Variants in HK2 observed in about 807,000 individuals in gnomAD.
HK2 encodes the protein hexokinase-2.
In HK2, 42 loss-of-function variants were observed where a neutral mutation model predicts 92.9. The ratio of observed to expected loss-of-function variants is 0.45; its 90% CI spans 0.35 to 0.58. The LOEUF (loss-of-function observed/expected upper bound fraction) is 0.58, where lower values mean the gene tolerates loss of function less well. Ranked by LOEUF, HK2 falls within the 20% of genes least tolerant of loss-of-function variation. The pLI, the probability that HK2 is intolerant of heterozygous loss-of-function variation, is 0.00. For synonymous variants in HK2, 422 were observed against 468.0 expected, an observed-to-expected ratio of 0.90 and a Z score of 1.27; for missense variants, 978 against 1,245.1, an observed-to-expected ratio of 0.79 and a Z score of 3.23.
At position 74,874,431 on chromosome 2, in the gene HK2, T is replaced by C. The variant is rs751157314; in HGVS notation, c.857T>C (p.Leu286Pro). Residue 286 changes from leucine (L) to proline (P), a missense_variant, in exon 7 of 18, where the codon CTG becomes CCG. Physicochemically the swap from Leu to Pro is moderately conservative, Grantham distance 98 (BLOSUM62 -3). Transcript: ENST00000290573. ...GACCAGGAGATTGACATGGGCTCACTGAACCCGGGAAAGCAACTGTGAGTA... is the reference window on the plus strand; with the variant it reads ...GACCAGGAGATTGACATGGGCTCACCGAACCCGGGAAAGCAACTGTGAGTA... ...EFDQEIDMGS[L>P]NPGKQLFEKM... The C allele has an allele frequency of 6.2e-7, 1 of 1,607,218 alleles. No individual in the cohort carries two copies. Among genetic ancestry groups the C allele is most frequent in the Admixed American group, 1.7e-5 (1 of 59,046 alleles).
At chr2:74,861,925 G>A (rs552354635) in intron 2 of HK2, among the ~76,000 whole-genome samples, 21 of 152,252 alleles carry the variant, frequency 1.4e-4, no homozygotes, top group African/African-American at 5.1e-4. Context: ...GTGTCAGATC[G>A]ATCATTTGAC....
Position 74,872,415 on chromosome 2 carries a change from A to G in HK2, c.491A>G (p.Asp164Gly), listed in dbSNP as rs1689118518. 1.2e-6 allele frequency: 2 copies of G among 1,613,958 alleles called. No homozygotes were observed. Among genetic ancestry groups the G allele is most frequent in the Non-Finnish European group, 1.7e-6 (2 of 1,179,922 alleles). ...TTCCCCTGCCACCAGACTAAACTAG[A>G]CGAGGTAAGATGGGCTCCTCAGACA... ...FSFPCHQTKL[D>G]ESFLVSWTKG... The change falls in exon 4 of 18, where the codon GAC becomes GGC. Residue 164 changes from aspartate (D) to glycine (G), a missense_variant. By Grantham distance (94) the Asp-to-Gly change is moderately conservative. Around this residue, in one of 3 missense-constraint regions of HK2, gnomAD observed 189 missense variants for 289.5 expected, o/e 0.65. Transcript: ENST00000290573.
At chr2:74,845,776 CAGG>C (rs1256917913) in intron 1 of HK2, among the ~76,000 whole-genome samples, 5 of 152,198 alleles carry the variant, frequency 3.3e-5, no homozygotes, top group Admixed American at 2.6e-4. Context: ...TTTCAGAGGA[CAGG>C]AGACTTACAG....
intron 12 of HK2, 87 bp from the exon 13 acceptor site, chr2:74,885,407 T>C: frequency 2.3e-6 from 2 of 879,236 alleles, no homozygotes; most frequent in African/African-American, 1.6e-5. Flanking sequence ...ACCTGTGAGG[T>C]TGAGAGCTAG....
At position 74,851,143 on chromosome 2, in the gene HK2, AG is replaced by A. The variant is rs1240156873; in HGVS notation, c.64-3147del. ...CTAAGAGGGGCCCACAGGACAGGCG[AG>A]GGTGGCTGTCCTGACGGCCTGGCAG... On this transcript the variant is annotated intron_variant, in intron 1 of 17. Coordinates refer to ENST00000290573, the MANE Select transcript of HK2 (RefSeq NM_000189.5). 2.6e-5 allele frequency among the ~76,000 whole-genome samples: 4 copies of A among 152,332 alleles called. No individual in the cohort carries two copies. In the East Asian group the frequency reaches 7.7e-4, roughly 29 times the overall value.
intron 1 of HK2, among the ~76,000 whole-genome samples, chr2:74,837,044 T>C (rs913878749): frequency 6.6e-6 from 1 of 152,192 alleles, no homozygotes; most frequent in Admixed American, 6.5e-5. Context: ...CTTTTGCCAA[T>C]TGGAACTCAG....
At chr2:74,860,653 G>A (rs180843996) in intron 2 of HK2, among the ~76,000 whole-genome samples, 11 of 152,240 alleles carry the variant, frequency 7.2e-5, no homozygotes, top group Non-Finnish European at 2.9e-5. Context: ...ATGGACACCC[G>A]GGCAGTTTCC....
intron 12 of HK2, among the ~76,000 whole-genome samples, chr2:74,883,341 T>C (rs1689447222): frequency 6.6e-6 from 1 of 152,052 alleles, no homozygotes; most frequent in African/African-American, 2.4e-5. Context: ...CCAGGACAGG[T>C]AGTGAGACAG....
intron 1 of HK2, among the ~76,000 whole-genome samples, chr2:74,853,064 T>C (rs945831148): frequency 2.6e-5 from 4 of 152,120 alleles, no homozygotes; most frequent in Admixed American, 6.5e-5. Flanking sequence ...AGAAGAGGCC[T>C]CTACAGAGAG....
In HK2 at chr2:74,890,881, G is replaced by A. The variant is rs756133449; in HGVS notation, c.2694G>A (p.Gly898=). ...VSFLQSEDGS[G]KGAALITAVA... is the part of the protein sequence containing the mutation. ...TCCTGCAGTCAGAGGATGGCAGCGGGAAGGGGGCGGCGCTCATCACTGCTG... is the reference window on the plus strand; with the variant it reads ...TCCTGCAGTCAGAGGATGGCAGCGGAAAGGGGGCGGCGCTCATCACTGCTG... Residue 898 remains glycine, a synonymous_variant, in exon 18 of 18, where the codon GGG becomes GGA. Transcript: ENST00000290573. The A allele has an allele frequency of 2.5e-6, 4 of 1,614,124 alleles. No individual in the cohort carries two copies. Among genetic ancestry groups the A allele is most frequent in the Non-Finnish European group, 3.4e-6 (4 of 1,180,052 alleles).
rs1171781660 is a variant in HK2 at position 74,881,784 on chromosome 2, G to A, written c.1644G>A (p.Gly548=). 11 of 1,614,100 alleles carry A rather than the reference G, an allele frequency of 6.8e-6. No individual in the cohort carries two copies. Among genetic ancestry groups the A allele is most frequent in the Non-Finnish European group, 9.3e-6 (11 of 1,180,052 alleles). ...TCCTGCTGGTCCGTGTTCGGAATGGGAAGTGGGGTGGAGTGGAGATGCACA... is the reference window on the plus strand; with the variant it reads ...TCCTGCTGGTCCGTGTTCGGAATGGAAAGTGGGGTGGAGTGGAGATGCACA... ...FRVLLVRVRN[G]KWGGVEMHNK... is the part of the protein sequence containing the mutation. The change falls in exon 11 of 18, where the codon GGG becomes GGA. Residue 548 remains glycine, a synonymous_variant. Transcript: ENST00000290573.
intron 3 of HK2, among the ~76,000 whole-genome samples, chr2:74,870,001 CTTTTTTTT>C (rs66946936): frequency 8.2e-6 from 1 of 121,518 alleles, no homozygotes; most frequent in South Asian, 2.6e-4. Context: ...CTTTTCTTTT[CTTTTTTTT>C]TTTTTTTTTT....
At chr2:74,835,569 A>G (rs919689776) in intron 1 of HK2, among the ~76,000 whole-genome samples, 2 of 150,376 alleles carry the variant, frequency 1.3e-5, no homozygotes, top group Admixed American at 1.3e-4. Flanking sequence ...CCTCAGGCCA[A>G]GCCGGGAAGC....
intron 5 of HK2, 135 bp from the exon 6 acceptor site, chr2:74,873,709 A>C: frequency 1.4e-6 from 1 of 699,820 alleles, no homozygotes. Context: ...GTCTTATCAC[A>C]GGAGGAGTTA....
In HK2 at chr2:74,888,227, A is replaced by C. The variant is rs555511912; in HGVS notation, c.2375+169A>C. Reference sequence around the variant, plus strand: ...TAAAAGCACATTATGGGCAGTTGTCATTTTAAGGGCAAACAGAGCATTCTC... The same window carrying C: ...TAAAAGCACATTATGGGCAGTTGTCCTTTTAAGGGCAAACAGAGCATTCTC... On this transcript the variant is annotated intron_variant, in intron 16 of 17. Transcript: ENST00000290573. Among the ~76,000 whole-genome samples the C allele has an allele frequency of 3.3e-5, 5 of 152,356 alleles. No individual in the cohort carries two copies. In the East Asian group the frequency reaches 9.6e-4, roughly 29 times the overall value.
At chr2:74,847,737 T>C (rs1426172077) in intron 1 of HK2, among the ~76,000 whole-genome samples, 1 of 152,166 alleles carries the variant, frequency 6.6e-6, no homozygotes, top group Non-Finnish European at 1.5e-5. Context: ...AGCTCCAAGC[T>C]TCCTGACAGT....
rs1689654907 is a variant in HK2, at chr2:74,890,678, C to T, written c.2610-119C>T. Reference sequence around the variant, plus strand: ...AATACATTATAGCTGTCATCCTTCTCCTCTTCTTAATTATTTCTGTGTTTC... The same window carrying T: ...AATACATTATAGCTGTCATCCTTCTTCTCTTCTTAATTATTTCTGTGTTTC... On this transcript the variant is annotated intron_variant, in intron 17 of 17. Transcript: ENST00000290573. The T allele has an allele frequency of 4.4e-6, 5 of 1,135,162 alleles. No individual in the cohort carries two copies. In the Admixed American group the frequency reaches 8.5e-5, roughly 19 times the overall value. 70.3% of individuals were successfully genotyped at this position (1,135,162 alleles called of 1,614,324 possible). A position where few individuals can be genotyped will look rare whatever the true frequency, so the allele number is the denominator to read the frequency against.
intron 1 of HK2, among the ~76,000 whole-genome samples, chr2:74,836,011 T>G (rs1403181298): frequency 6.6e-6 from 1 of 152,108 alleles, no homozygotes; most frequent in Non-Finnish European, 1.5e-5. Flanking sequence ...GGCGGTTGAT[T>G]TACTTGGGTT....
At position 74,854,941 on chromosome 2, in the gene HK2, T is replaced by C. The variant is rs759326035; in HGVS notation, c.226+486T>C. 2.0e-5 allele frequency among the ~76,000 whole-genome samples: 3 copies of C among 152,184 alleles called. No homozygotes were observed. In the South Asian group the frequency reaches 6.2e-4, roughly 32 times the overall value. ...ACCTAGATTTTTTTCTTGAGCCCCA[T>C]GTAAAAAGTACTAGAAATCCAAATA... On this transcript the variant is annotated intron_variant, in intron 2 of 17. Coordinates refer to ENST00000290573, the MANE Select transcript of HK2 (RefSeq NM_000189.5).
Sources: gnomAD v4.1 joint callset for allele counts (sites outside exome capture counted in the v4.1 genomes callset) on GRCh38, gnomAD v4.1.1 for gene constraint, gnomAD v4.1.1 regional missense constraint, MANE v1.5 for transcripts, NCBI Gene and HGNC (gene_info 2026-07-23, HGNC 2026-07-21) for gene names.